The following ZRANB3 variants were observed in gnomAD, a reference collection of about 807,000 sequenced individuals.
ZRANB3 encodes the protein zinc finger RANBP2-type containing 3, also known as DNA annealing helicase and endonuclease ZRANB3.
In ZRANB3, 125 loss-of-function variants were observed where a neutral mutation model predicts 133.8. The ratio of observed to expected loss-of-function variants is 0.93; its 90% CI spans 0.81 to 1.08. ZRANB3 has a LOEUF of 1.08. Ranked by LOEUF, ZRANB3 falls within the 50% of genes least tolerant of loss-of-function variation. The probability of loss-of-function intolerance (pLI) is 0.00; values close to 1 mark genes in which losing one functional copy is unlikely to be tolerated. For missense variants in ZRANB3, 1,229 were observed against 1,275.5 expected (o/e 0.96, Z 0.56); for synonymous variants, 387 against 432.7 (o/e 0.89, Z 1.31).
chr2:135,364,784 C>A (rs1295870124), intron 3 of ZRANB3, among the ~76,000 whole-genome samples: 2 of 152,046 alleles, frequency 1.3e-5, no homozygotes, highest in African/African-American at 4.8e-5. Flanking sequence ...GGCACGGTGG[C>A]TAACGCCTGT....
At chr2:135,222,305 G>A (rs922485205) in intron 15 of ZRANB3, among the ~76,000 whole-genome samples, 1 of 151,790 alleles carries the variant, frequency 6.6e-6, no homozygotes, top group African/African-American at 2.4e-5. Context: ...GGGAGGCTGA[G>A]GCAGGAGAAT....
chr2:135,504,007 A>C (rs112202685), intron 2 of ZRANB3, among the ~76,000 whole-genome samples: 117 of 152,270 alleles, frequency 7.7e-4, no homozygotes, highest in African/African-American at 2.6e-3. Context: ...AAAAACAAAA[A>C]ACGATGGAAA....
intron 12 of ZRANB3, among the ~76,000 whole-genome samples, chr2:135,252,635 C>G (rs1318860226): frequency 2.0e-5 from 3 of 152,204 alleles, no homozygotes. Context: ...AGAGACACCT[C>G]AAACTCAAGA....
chr2:135,365,408 A>G (rs2104892355), intron 3 of ZRANB3, among the ~76,000 whole-genome samples: 1 of 152,356 alleles, frequency 6.6e-6, no homozygotes, highest in South Asian at 2.1e-4. Flanking sequence ...CTTTGATTAT[A>G]TATCTCAGGT....
intron 6 of ZRANB3, among the ~76,000 whole-genome samples, chr2:135,338,654 G>A (rs1250290007): frequency 6.6e-6 from 1 of 152,124 alleles, no homozygotes; most frequent in Non-Finnish European, 1.5e-5. Flanking sequence ...ACTGTATCTT[G>A]GAAATGAGTT....
chr2:135,418,408 C>G (rs1284779854), intron 2 of ZRANB3, among the ~76,000 whole-genome samples: 2 of 151,964 alleles, frequency 1.3e-5, no homozygotes, highest in Non-Finnish European at 1.5e-5. Context: ...ACTTCTGGCC[C>G]AAGAATAAGA....
intron 8 of ZRANB3, among the ~76,000 whole-genome samples, chr2:135,285,090 C>CTT (rs1681289483): frequency 6.6e-6 from 1 of 152,098 alleles, no homozygotes; most frequent in African/African-American, 2.4e-5. Flanking sequence ...GGTGATCCAC[C>CTT]CGCCTTGGCC....
chr2:135,253,146 T>C (rs1679484255), intron 12 of ZRANB3, among the ~76,000 whole-genome samples: 1 of 152,200 alleles, frequency 6.6e-6, no homozygotes, highest in Non-Finnish European at 1.5e-5. Context: ...AAAAGCTATA[T>C]TGAAGAACCC....
intron 3 of ZRANB3, among the ~76,000 whole-genome samples, chr2:135,360,474 G>C (rs567398426): frequency 1.3e-5 from 2 of 151,878 alleles, no homozygotes; most frequent in Non-Finnish European, 2.9e-5. Flanking sequence ...GGGAGGCCAA[G>C]GTGGGCGGAT....
At chr2:135,481,665 G>A (rs1691817701) in intron 2 of ZRANB3, among the ~76,000 whole-genome samples, 1 of 150,350 alleles carries the variant, frequency 6.7e-6, no homozygotes, top group Non-Finnish European at 1.5e-5. Context: ...ATTGCTTTTG[G>A]TGTTTTAGAC....
intron 2 of ZRANB3, among the ~76,000 whole-genome samples, chr2:135,400,620 G>A (rs1406755280): frequency 6.6e-6 from 1 of 152,170 alleles, no homozygotes; most frequent in East Asian, 1.9e-4. Context: ...TTTTGGCACT[G>A]TACCAGAAAC....
rs148273178 is a variant in ZRANB3 at position 135,440,846 on chromosome 2, G to A, written c.162-50026C>T. Among the ~76,000 whole-genome samples the A allele has an allele frequency of 2.4e-3, 366 of 152,196 alleles. 1 individual carries two copies. The Middle Eastern group carries it at 0.037, about 16-fold the overall frequency. ...TTGTGGTAATTTGTATGCAGCAAAC[G>A]GAAACTAACACTGGGATCCCAAACT... On this transcript the variant is annotated intron_variant, in intron 2 of 20. Transcript: ENST00000264159.
In ZRANB3 at chr2:135,235,637, G is replaced by A. The variant is rs1425456622; in HGVS notation, c.1540-4710C>T. On this transcript the variant is annotated intron_variant, in intron 12 of 20. Coordinates refer to ENST00000264159, the MANE Select transcript of ZRANB3 (RefSeq NM_032143.4). ...GGGAAGCAAGGCTGGTTCAACATAC[G>A]AAAATCAATAAACGTAATCCAGCAT... Among the ~76,000 whole-genome samples the A allele has an allele frequency of 2.9e-3, 444 of 150,826 alleles. 3 individuals carry two copies. Among genetic ancestry groups the A allele is most frequent in the African/African-American group, 0.01 (414 of 40,980 alleles).
chr2:135,410,960 C>T (rs1174137620), intron 2 of ZRANB3, among the ~76,000 whole-genome samples: 1 of 152,072 alleles, frequency 6.6e-6, no homozygotes, highest in Non-Finnish European at 1.5e-5. Context: ...AAAAATAGGC[C>T]AGGTGTGGTG....
rs140920263 is a variant in ZRANB3, at chr2:135,374,363, G to A, written c.180+16439C>T. Among the ~76,000 whole-genome samples the A allele has an allele frequency of 3.0e-3, 452 of 152,062 alleles. 2 individuals are homozygous for A. Among genetic ancestry groups the A allele is most frequent in the African/African-American group, 0.01 (428 of 41,506 alleles). ...GGAGGCTGCAGTGAGCTGAGATCACGCCACTACACTCCAGCCTGGGCGACA... is the reference window on the plus strand; with the variant it reads ...GGAGGCTGCAGTGAGCTGAGATCACACCACTACACTCCAGCCTGGGCGACA... On this transcript the variant is annotated intron_variant, in intron 3 of 20. Coordinates refer to ENST00000264159, the MANE Select transcript of ZRANB3 (RefSeq NM_032143.4).
At chr2:135,483,468 C>G (rs1691936843) in intron 2 of ZRANB3, among the ~76,000 whole-genome samples, 1 of 152,050 alleles carries the variant, frequency 6.6e-6, no homozygotes, top group African/African-American at 2.4e-5. Flanking sequence ...GTGATATCCC[C>G]TTTATCATTT....
intron 2 of ZRANB3, among the ~76,000 whole-genome samples, chr2:135,457,557 T>A (rs1236535409): frequency 1.3e-5 from 2 of 152,180 alleles, no homozygotes; most frequent in Non-Finnish European, 2.9e-5. Context: ...AATTTGTATA[T>A]CCTCTTTGGA....
At chr2:135,435,105 A>G (rs1422252168) in intron 2 of ZRANB3, among the ~76,000 whole-genome samples, 1 of 151,956 alleles carries the variant, frequency 6.6e-6, no homozygotes, top group African/African-American at 2.4e-5. Context: ...TAAGCCTAGT[A>G]CTCAATAGTC....
At chr2:135,286,993 C>T (rs2104788832) in intron 8 of ZRANB3, among the ~76,000 whole-genome samples, 1 of 152,248 alleles carries the variant, frequency 6.6e-6, no homozygotes, top group South Asian at 2.1e-4. Flanking sequence ...GAACTCTTTG[C>T]CTAGGCCAAT....
Sources: gnomAD v4.1 joint callset for allele counts (sites outside exome capture counted in the v4.1 genomes callset) on GRCh38, gnomAD v4.1.1 for gene constraint, MANE v1.5 for transcripts, NCBI Gene and HGNC (gene_info 2026-07-23, HGNC 2026-07-21) for gene names.